Variants in VPS37A observed in about 807,000 individuals in gnomAD.
VPS37A encodes the protein VPS37A subunit of ESCRT-I.
A neutral mutation model predicts 49.8 loss-of-function variants in VPS37A; 30 were observed. The observed-to-expected ratio is 0.60, with a 90% confidence interval of 0.45 to 0.82. The LOEUF (loss-of-function observed/expected upper bound fraction) is 0.82, where lower values mean the gene tolerates loss of function less well. Among genes scored for constraint, VPS37A ranks in the 40% least tolerant of loss-of-function variants. VPS37A has a pLI of 0.00. For synonymous variants in VPS37A, 195 were observed against 160.6 expected, an observed-to-expected ratio of 1.21 and a Z score of -1.62; for missense variants, 593 against 464.4, an observed-to-expected ratio of 1.28 and a Z score of -2.55.
At chr8:17,274,342 A>G (rs1814293202) in intron 4 of VPS37A, among the ~76,000 whole-genome samples, 1 of 152,226 alleles carries the variant, frequency 6.6e-6, no homozygotes, top group Non-Finnish European at 1.5e-5. Context: ...GAAAGCTGTT[A>G]GCCTCTACTT....
At chr8:17,252,868 A>G (rs1039267279) in intron 1 of VPS37A, among the ~76,000 whole-genome samples, 1 of 152,258 alleles carries the variant, frequency 6.6e-6, no homozygotes, top group African/African-American at 2.4e-5. Flanking sequence ...AGAAATCTCC[A>G]AAATATCAAC....
intron 1 of VPS37A, among the ~76,000 whole-genome samples, chr8:17,251,959 C>T (rs1171890987): frequency 1.3e-5 from 2 of 152,108 alleles, no homozygotes; most frequent in Non-Finnish European, 2.9e-5. Flanking sequence ...TCATGGGATT[C>T]TGAGTAAGCT....
intron 4 of VPS37A, among the ~76,000 whole-genome samples, chr8:17,272,503 A>G (rs1478430627): frequency 6.6e-6 from 1 of 152,176 alleles, no homozygotes; most frequent in African/African-American, 2.4e-5. Context: ...TTCATTTCAG[A>G]TAAGTTCGGG....
At chr8:17,284,125 G>A (rs934329406) in intron 9 of VPS37A, among the ~76,000 whole-genome samples, 1 of 152,204 alleles carries the variant, frequency 6.6e-6, no homozygotes, top group African/African-American at 2.4e-5. Flanking sequence ...GTGGGATTAT[G>A]CAAGGGCAGG....
chr8:17,321,931 A>T, the VPS37A span, among the ~76,000 whole-genome samples: 3 of 152,222 alleles, frequency 2.0e-5, no homozygotes, highest in Non-Finnish European at 4.4e-5. Context: ...CTTAGAAGAA[A>T]ATAAGCCTCA....
In VPS37A at chr8:17,265,901, C is replaced by T. The variant is rs200750108; in HGVS notation, c.126-6C>T. The T allele has an allele frequency of 1.1e-5, 18 of 1,613,136 alleles. No individual in the cohort carries two copies. The highest frequency in any genetic ancestry group is 9.4e-5 in the African/African-American group (7 of 74,852). On this transcript the variant is annotated splice_polypyrimidine_tract_variant and splice_region_variant and intron_variant, in intron 1 of 11. Transcript: ENST00000324849. ...TGGGTAAATTTTTTAAAATTTTCTC[C>T]TGCAGTATAGCCGAAATACAGAAAG...
At chr8:17,247,800 A>T in intron 1 of VPS37A, 1 of 702,180 alleles carries the variant, frequency 1.4e-6, no homozygotes, top group Non-Finnish European at 2.6e-6. Context: ...GAACTGTTGC[A>T]ACATCAAAGG....
rs1349298601 is a variant in VPS37A at position 17,296,190 on chromosome 8, G to A, written c.*1204G>A. On this transcript the variant is annotated 3_prime_UTR_variant, in exon 12 of 12. Coordinates refer to ENST00000324849, the MANE Select transcript of VPS37A (RefSeq NM_152415.3). Reference sequence around the variant, plus strand: ...TCCTGTACATGTTTTTGGCAATAAAGTTATAGGAAGAACAAAATTATTTTG... The same window carrying A: ...TCCTGTACATGTTTTTGGCAATAAAATTATAGGAAGAACAAAATTATTTTG... 6.6e-6 allele frequency: 1 copy of A among 152,134 alleles called. No individual in the cohort carries two copies. Among genetic ancestry groups the A allele is most frequent in the Non-Finnish European group, 1.5e-5 (1 of 68,018 alleles). 9.4% of individuals were successfully genotyped at this position (152,134 alleles called of 1,614,324 possible). A position where few individuals can be genotyped will look rare whatever the true frequency, so the allele number is the denominator to read the frequency against.
intron 1 of VPS37A, among the ~76,000 whole-genome samples, chr8:17,265,528 G>A (rs1039210019): frequency 6.6e-6 from 1 of 152,192 alleles, no homozygotes; most frequent in Admixed American, 6.5e-5. Flanking sequence ...CCCAGCTGCC[G>A]ATATTGCTTA....
chr8:17,322,134 C>CAA, the VPS37A span, among the ~76,000 whole-genome samples: 64,064 of 151,754 alleles, frequency 0.42, 15,569 homozygotes, highest in East Asian at 0.78. Context: ...TGAGTTCTGC[C>CAA]TGTTGGCTCT....
At chr8:17,286,727 C>A (rs555756341) in intron 11 of VPS37A, 35 of 212,376 alleles carry the variant, frequency 1.6e-4, no homozygotes, top group African/African-American at 7.6e-4. Flanking sequence ...GTAGAGTATA[C>A]CTTGTCATGT....
intron 1 of VPS37A, among the ~76,000 whole-genome samples, chr8:17,262,129 C>G (rs1813014994): frequency 6.6e-6 from 1 of 152,068 alleles, no homozygotes; most frequent in African/African-American, 2.4e-5. Context: ...AGAGGCATCA[C>G]AGGTATGGAA....
chr8:17,274,553 G>A (rs1209871016), intron 4 of VPS37A, among the ~76,000 whole-genome samples, 180 bp from the exon 5 acceptor site: 3 of 150,584 alleles, frequency 2.0e-5, no homozygotes, highest in Non-Finnish European at 3.0e-5. Flanking sequence ...GGGGGGTGGG[G>A]TCATATTTTA....
intron 1 of VPS37A, among the ~76,000 whole-genome samples, chr8:17,252,196 A>T (rs1056136772): frequency 2.0e-5 from 3 of 152,214 alleles, no homozygotes; most frequent in African/African-American, 4.8e-5. Context: ...TTTTTGAGAC[A>T]GGGTCTCACT....
At position 17,274,808 on chromosome 8, in the gene VPS37A, A is replaced by G. The variant is rs761322882; in HGVS notation, c.492A>G (p.Gln164=). ...CATTTCTTCCTCCATATCCTCCACA[A>G]GAAGCAAACAGGAGTATCACTTCTT... ...GFPFLPPYPP[Q]EANRSITSLS... The change falls in exon 5 of 12, where the codon CAA becomes CAG. Residue 164 remains glutamine, a synonymous_variant. Transcript: ENST00000324849. 6.2e-7 allele frequency: 1 copy of G among 1,614,148 alleles called. No homozygotes were observed. Among genetic ancestry groups the G allele is most frequent in the Non-Finnish European group, 8.5e-7 (1 of 1,180,020 alleles).
At chr8:17,289,314 C>T (rs1242002014) in intron 11 of VPS37A, among the ~76,000 whole-genome samples, 3 of 152,120 alleles carry the variant, frequency 2.0e-5, no homozygotes, top group African/African-American at 7.2e-5. Flanking sequence ...CCTAGGTTTT[C>T]TTCTAGGGTT....
intron 5 of VPS37A, among the ~76,000 whole-genome samples, chr8:17,275,536 G>A (rs10087602): frequency 0.24 from 36,821 of 152,026 alleles, 5,492 homozygotes; most frequent in East Asian, 0.59. Flanking sequence ...AAAGGCAGAA[G>A]AATGATCATG....
chr8:17,271,674 C>T (rs972523881), intron 4 of VPS37A, among the ~76,000 whole-genome samples: 3 of 152,078 alleles, frequency 2.0e-5, no homozygotes. Context: ...AAGCAACACC[C>T]ACTAAGCTCC....
At chr8:17,275,109 C>G (rs2150391896) in intron 5 of VPS37A, 151 bp downstream of exon 5, 1 of 721,568 alleles carries the variant, frequency 1.4e-6, no homozygotes, top group East Asian at 2.7e-5. Context: ...AACAGGTAAC[C>G]AACAAATAAT....
Sources: gnomAD v4.1 joint callset for allele counts (sites outside exome capture counted in the v4.1 genomes callset) on GRCh38, gnomAD v4.1.1 for gene constraint, MANE v1.5 for transcripts, NCBI Gene and HGNC (gene_info 2026-07-23, HGNC 2026-07-21) for gene names.